Variants in GRIK4 observed in about 807,000 individuals in gnomAD.
GRIK4 encodes glutamate ionotropic receptor kainate type subunit 4.
GRIK4 carries 40 observed loss-of-function variants against 104.9 expected under a neutral mutation model. The observed-to-expected ratio is 0.38, with a 90% CI of 0.30 to 0.50. GRIK4 has a LOEUF of 0.50. Among genes scored for constraint, GRIK4 ranks in the 20% least tolerant of loss-of-function variants. The probability of loss-of-function intolerance (pLI) is 0.93; values close to 1 mark genes in which losing one functional copy is unlikely to be tolerated. For synonymous variants in GRIK4, 485 were observed against 524.9 expected, an observed-to-expected ratio of 0.92 and a Z score of 1.04; for missense variants, 1,047 against 1,308.1, an observed-to-expected ratio of 0.80 and a Z score of 3.08.
At chr11:120,796,274 A>T (rs1335653675) in intron 3 of GRIK4, among the ~76,000 whole-genome samples, 2 of 151,986 alleles carry the variant, frequency 1.3e-5, no homozygotes, top group Non-Finnish European at 2.9e-5. Context: ...TGACCTCGTG[A>T]TCCGCCCGCC....
chr11:120,665,415 C>T (rs151286747), intron 3 of GRIK4, among the ~76,000 whole-genome samples: 5 of 152,328 alleles, frequency 3.3e-5, no homozygotes, highest in Admixed American at 3.3e-4. Flanking sequence ...CTTTCTCCTT[C>T]ATCTGTCACC....
At chr11:120,526,798 A>G (rs112463683) in intron 1 of GRIK4, among the ~76,000 whole-genome samples, 6,318 of 152,224 alleles carry the variant, frequency 0.042, 437 homozygotes, top group African/African-American at 0.14. Flanking sequence ...GCAGTGAGCC[A>G]AGATTGCACC....
At chr11:120,618,469 G>A (rs1313810801) in intron 1 of GRIK4, among the ~76,000 whole-genome samples, 2 of 152,210 alleles carry the variant, frequency 1.3e-5, no homozygotes, top group Non-Finnish European at 2.9e-5. Flanking sequence ...CAAGCAGGCT[G>A]TACAAATTTG....
chr11:120,525,801 G>A (rs1181913653), intron 1 of GRIK4, among the ~76,000 whole-genome samples: 4 of 152,100 alleles, frequency 2.6e-5, no homozygotes, highest in East Asian at 3.9e-4. Context: ...CTGGTGTGGT[G>A]GGGGGTGACG....
chr11:120,610,803 A>C (rs1049192850), intron 1 of GRIK4, among the ~76,000 whole-genome samples: 18 of 152,114 alleles, frequency 1.2e-4, no homozygotes, highest in African/African-American at 3.9e-4. Flanking sequence ...TGCCCTAGGG[A>C]GGTCCCCCTC....
At chr11:120,965,122 A>G (rs1329252797) in intron 18 of GRIK4, among the ~76,000 whole-genome samples, 2 of 152,228 alleles carry the variant, frequency 1.3e-5, no homozygotes, top group African/African-American at 2.4e-5. Flanking sequence ...GAGCCTAACT[A>G]TGGAATAAGC....
At chr11:120,610,434 G>A (rs866995666) in intron 1 of GRIK4, among the ~76,000 whole-genome samples, 55 of 152,298 alleles carry the variant, frequency 3.6e-4, no homozygotes, top group African/African-American at 1.3e-3. Flanking sequence ...CCTAAGCCTC[G>A]GAACACGTGG....
At chr11:120,557,783 G>A (rs895977542) in intron 1 of GRIK4, among the ~76,000 whole-genome samples, 6 of 152,094 alleles carry the variant, frequency 3.9e-5, no homozygotes, top group Admixed American at 2.0e-4. Context: ...TTGGGAGGCC[G>A]AGGCAGGCGG....
chr11:120,766,371 G>A (rs1175183794), intron 3 of GRIK4, among the ~76,000 whole-genome samples: 1 of 152,230 alleles, frequency 6.6e-6, no homozygotes, highest in Non-Finnish European at 1.5e-5. Context: ...CAGGCCAGTG[G>A]ATCCTAGCTT....
intron 3 of GRIK4, among the ~76,000 whole-genome samples, chr11:120,773,580 T>C (rs1286593648): frequency 6.6e-6 from 1 of 152,118 alleles, no homozygotes; most frequent in African/African-American, 2.4e-5. Flanking sequence ...TCCAGGGATT[T>C]GGATTTTATT....
chr11:120,696,070 G>T (rs550826164), intron 3 of GRIK4, among the ~76,000 whole-genome samples: 2 of 152,310 alleles, frequency 1.3e-5, no homozygotes, highest in South Asian at 2.1e-4. Context: ...TGGGCTGCCT[G>T]CCTCTGCAAG....
At position 120,648,730 on chromosome 11, in the gene GRIK4, C is replaced by T. The variant is rs150192389; in HGVS notation, c.-158-4955C>T. 3.4e-3 allele frequency among the ~76,000 whole-genome samples: 513 copies of T among 152,226 alleles called. 12 individuals are homozygous for T. The highest frequency in any genetic ancestry group is 7.1e-4 in the Non-Finnish European group (48 of 68,018). On this transcript the variant is annotated intron_variant, in intron 1 of 20. Coordinates refer to ENST00000527524, the MANE Select transcript of GRIK4 (RefSeq NM_014619.5). Reference sequence around the variant, plus strand: ...CGGGCTAAGGGGGTTAAGGAACAGGCCCAGGTCTTGGAGCTAGGTATTGAG... The same window carrying T: ...CGGGCTAAGGGGGTTAAGGAACAGGTCCAGGTCTTGGAGCTAGGTATTGAG...
chr11:120,789,783 G>A (rs1363280046), intron 3 of GRIK4, among the ~76,000 whole-genome samples: 6 of 152,094 alleles, frequency 3.9e-5, no homozygotes, highest in Non-Finnish European at 8.8e-5. Context: ...AACACACTTT[G>A]CTTCCTTGCT....
At chr11:120,598,060 G>T (rs1240437838) in intron 1 of GRIK4, among the ~76,000 whole-genome samples, 1 of 152,190 alleles carries the variant, frequency 6.6e-6, no homozygotes, top group Non-Finnish European at 1.5e-5. Context: ...TTTAACAACA[G>T]ACTTCCCCTC....
chr11:120,785,158 C>T (rs2135481287), intron 3 of GRIK4, among the ~76,000 whole-genome samples: 1 of 152,290 alleles, frequency 6.6e-6, no homozygotes. Flanking sequence ...TGGGCAACTC[C>T]AGCCCACTGT....
At chr11:120,625,439 G>A (rs1027566325) in intron 1 of GRIK4, among the ~76,000 whole-genome samples, 1 of 152,138 alleles carries the variant, frequency 6.6e-6, no homozygotes, top group Non-Finnish European at 1.5e-5. Context: ...AGAGAGAAGG[G>A]CCATGATGTG....
rs115029241 is a variant in GRIK4 at position 120,521,496 on chromosome 11, T to C, written c.-159+9609T>C. ...TGAGAGACAGGAGGGCAGTTAAAAT[T>C]ATTGTCCCAGACTCTCAGAATTTCA... On this transcript the variant is annotated intron_variant, in intron 1 of 20. Coordinates refer to ENST00000527524, the MANE Select transcript of GRIK4 (RefSeq NM_014619.5). Among the ~76,000 whole-genome samples, 453 of 152,264 alleles carry C rather than the reference T, an allele frequency of 3.0e-3. 1 individual carries two copies. Among genetic ancestry groups the C allele is most frequent in the African/African-American group, 0.01 (435 of 41,536 alleles).
chr11:120,951,370 C>T (rs2134686243), intron 14 of GRIK4, among the ~76,000 whole-genome samples: 1 of 152,218 alleles, frequency 6.6e-6, no homozygotes, highest in East Asian at 1.9e-4. Context: ...TCAGCTTCTT[C>T]TAGCTTCCCC....
chr11:120,894,512 C>A, intron 11 of GRIK4: 1 of 152,404 alleles, frequency 6.6e-6, no homozygotes, highest in Non-Finnish European at 1.5e-5. Flanking sequence ...TGTAGGCTAG[C>A]AGCGGCCCTG....
Sources: gnomAD v4.1 joint callset for allele counts (sites outside exome capture counted in the v4.1 genomes callset) on GRCh38, gnomAD v4.1.1 for gene constraint, MANE v1.5 for transcripts, NCBI Gene and HGNC (gene_info 2026-07-23, HGNC 2026-07-21) for gene names.